Variants in PLAGL1 observed in about 807,000 individuals in gnomAD.
The protein encoded by PLAGL1 is zinc finger protein PLAGL1.
A neutral mutation model predicts 4.6 loss-of-function variants in PLAGL1; 1 was observed. That is an observed-to-expected ratio of 0.22 (90% CI 0.08 to 1.03). The LOEUF (loss-of-function observed/expected upper bound fraction) is 1.03. PLAGL1 is among the 50% of genes least tolerant of loss of function. The pLI, the probability that PLAGL1 is intolerant of heterozygous loss-of-function variation, is 0.58. For synonymous variants in PLAGL1, 240 were observed against 237.8 expected, an observed-to-expected ratio of 1.01 and a Z score of -0.08; for missense variants, 464 against 570.4, an observed-to-expected ratio of 0.81 and a Z score of 1.90.
chr6:144,058,549 A>G (rs1252517492), intron 1 of PLAGL1, among the ~76,000 whole-genome samples: 2 of 152,184 alleles, frequency 1.3e-5, no homozygotes, highest in Non-Finnish European at 2.9e-5. Flanking sequence ...CCAAAGCCCT[A>G]AGTCTCATCT....
rs60021436 is a variant in PLAGL1, at chr6:143,967,997, C to CAAAAAAAAAAAAAAAA, written c.-472+894_-472+909dup. On this transcript the variant is annotated intron_variant, in intron 3 of 7. Transcript: ENST00000674357. ...CATTATGACCATCAAGGACATTTTG[C>CAAAAAAAAAAAAAAAA]AAAAAAAAAAAAAAAAAAAAACAGT... 2.2e-5 allele frequency: 2 copies of CAAAAAAAAAAAAAAAA among 90,020 alleles called. 1 individual carries two copies. Among genetic ancestry groups the CAAAAAAAAAAAAAAAA allele is most frequent in the Non-Finnish European group, 4.0e-5 (2 of 49,956 alleles). 5.6% of individuals were successfully genotyped at this position (90,020 alleles called of 1,614,324 possible). A position where few individuals can be genotyped will look rare whatever the true frequency, so the allele number is the denominator to read the frequency against.
rs1367727662 is a variant in PLAGL1 at position 143,972,321 on chromosome 6, T to C, written c.-543-3343A>G. 6.6e-6 allele frequency among the ~76,000 whole-genome samples: 1 copy of C among 152,134 alleles called. No individual in the cohort carries two copies. The highest frequency in any genetic ancestry group is 1.5e-5 in the Non-Finnish European group (1 of 68,006). The stretch of plus-strand genomic sequence containing the variant: ...CAGGGCCATGTGTTAAGTGCCATAA[T>C]AGAGGTGTACACAAAGGGCTGGGGG... On this transcript the variant is annotated intron_variant, in intron 2 of 7. Transcript: ENST00000674357. The surrounding 1 kb of genome is among the most constrained non-coding windows in gnomAD (Gnocchi z 6.8).
rs1352182872 is a variant in PLAGL1 at position 144,015,693 on chromosome 6, C to T, written c.-150-46715G>A. Among the ~76,000 whole-genome samples, 5 of 152,192 alleles carry T rather than the reference C, an allele frequency of 3.3e-5. No homozygotes were observed. The highest frequency in any genetic ancestry group is 7.3e-5 in the Non-Finnish European group (5 of 68,028). On this transcript the variant is annotated intron_variant, in intron 1 of 3. Transcript: ENST00000437412. The surrounding 1 kb of genome is among the most constrained non-coding windows in gnomAD (Gnocchi z 4.3). The stretch of plus-strand genomic sequence containing the variant: ...CTACAGTGAAATACCGCTACATACC[C>T]ACTGGAAAGGCTAAAGTTGAAAAGA...
chr6:144,029,326 T>A (rs1003544146), intron 1 of PLAGL1, among the ~76,000 whole-genome samples: 1 of 152,232 alleles, frequency 6.6e-6, no homozygotes, highest in African/African-American at 2.4e-5. Context: ...ATTCTCTGTA[T>A]GATAAGACAT....
rs1292951363 is a variant in PLAGL1, at chr6:143,957,798, A to G, written c.-325+2671T>C. The stretch of plus-strand genomic sequence containing the variant: ...TGGGTGGACTGTTTGATCCTAAAAT[A>G]ACATATCACTAAATAAACAGAAAAA... On this transcript the variant is annotated intron_variant, in intron 6 of 7. Coordinates refer to ENST00000674357, the MANE Select transcript of PLAGL1 (RefSeq NM_001317162.2). This position sits in a 1 kb window ranked among gnomAD's most constrained non-coding sequence, Gnocchi z 4.2. Among the ~76,000 whole-genome samples the G allele has an allele frequency of 6.6e-6, 1 of 152,250 alleles. No individual in the cohort carries two copies. The highest frequency in any genetic ancestry group is 2.4e-5 in the African/African-American group (1 of 41,474).
rs1798926830 is a variant in PLAGL1 at position 144,055,839 on chromosome 6, T to C, written c.-151+8629A>G. ...ATGAACGATACACAGCCACTGTCTT[T>C]CTTTGGGTACTACATTCACACACAC... On this transcript the variant is annotated intron_variant, in intron 1 of 3. Coordinates refer to the PLAGL1 transcript ENST00000437412. This position sits in a 1 kb window ranked among gnomAD's most constrained non-coding sequence, Gnocchi z 5.0. Among the ~76,000 whole-genome samples, 1 of 152,210 alleles carries C rather than the reference T, an allele frequency of 6.6e-6. No homozygotes were observed. The highest frequency in any genetic ancestry group is 1.5e-5 in the Non-Finnish European group (1 of 68,030).
At chr6:143,986,523 AGAT>A (rs1789209048) in intron 1 of PLAGL1, among the ~76,000 whole-genome samples, 2 of 152,314 alleles carry the variant, frequency 1.3e-5, no homozygotes, top group South Asian at 4.1e-4. Flanking sequence ...AATTGAGCAG[AGAT>A]GATGATGGGA....
At chr6:144,011,339 C>T (rs1459968054), upstream of PLAGL1, among the ~76,000 whole-genome samples, 1 of 152,158 alleles carries the variant, frequency 6.6e-6, no homozygotes, top group Non-Finnish European at 1.5e-5. The surrounding 1 kb of genome is among the most constrained non-coding windows in gnomAD (Gnocchi z 4.3). Flanking sequence ...GGCCAACAAA[C>T]ATATGAAAAA....
Position 144,027,245 on chromosome 6 carries a change from A to ACG in PLAGL1, c.-151+37222_-151+37223insCG, listed in dbSNP as rs71676358. Among the ~76,000 whole-genome samples, 6,772 of 127,080 alleles carry ACG rather than the reference A, an allele frequency of 0.053. 280 individuals carry two copies. The highest frequency in any genetic ancestry group is 0.072 in the Non-Finnish European group (4,143 of 57,500). 83.4% of individuals were successfully genotyped at this position (127,080 alleles called of 152,430 possible). A position where few individuals can be genotyped will look rare whatever the true frequency, so the allele number is the denominator to read the frequency against. On this transcript the variant is annotated intron_variant, in intron 1 of 3. Coordinates refer to the PLAGL1 transcript ENST00000437412. This position sits in a 1 kb window ranked among gnomAD's most constrained non-coding sequence, Gnocchi z 5.8. Reference sequence around the variant, plus strand: ...ACTCAAAGAACGAACGAAAGAAAGAAAGAAAGAAAGAAAGAAAGAAAGAAA... The same window carrying ACG: ...ACTCAAAGAACGAACGAAAGAAAGAACGAGAAAGAAAGAAAGAAAGAAAGAAA...
rs1356238362 is a variant in PLAGL1 at position 143,972,150 on chromosome 6, C to A, written c.-543-3172G>T. On this transcript the variant is annotated intron_variant, in intron 2 of 7. Transcript: ENST00000674357. This position sits in a 1 kb window ranked among gnomAD's most constrained non-coding sequence, Gnocchi z 6.8. ...TGAAACTGTGATAAGTAATTACTTT[C>A]AAAGGAATGTAGACAGAGCCATCAA... is the stretch of plus-strand genomic sequence containing the variant. Among the ~76,000 whole-genome samples the A allele has an allele frequency of 6.6e-6, 1 of 152,222 alleles. No individual in the cohort carries two copies. Among genetic ancestry groups the A allele is most frequent in the Non-Finnish European group, 1.5e-5 (1 of 68,042 alleles).
Position 143,948,233 on chromosome 6 carries a change from G to A in PLAGL1, c.-97C>T. The A allele has an allele frequency of 1.7e-6, 2 of 1,158,250 alleles. No individual in the cohort carries two copies. Among genetic ancestry groups the A allele is most frequent in the South Asian group, 1.4e-5 (1 of 70,276 alleles). 71.7% of individuals were successfully genotyped at this position (1,158,250 alleles called of 1,614,324 possible). On this transcript the variant is annotated 5_prime_UTR_variant, in exon 7 of 8. Coordinates refer to ENST00000674357, the MANE Select transcript of PLAGL1 (RefSeq NM_001317162.2). This position sits in a 1 kb window ranked among gnomAD's most constrained non-coding sequence, Gnocchi z 6.0. Reference sequence around the variant, plus strand: ...CGATGGTGCTGGGCACATCAGCAGAGTCCCTGCAGCTGAACTCCAGACCAC... The same window carrying A: ...CGATGGTGCTGGGCACATCAGCAGAATCCCTGCAGCTGAACTCCAGACCAC...
At chr6:143,986,790 G>A (rs560307990) in intron 1 of PLAGL1, among the ~76,000 whole-genome samples, 13 of 152,212 alleles carry the variant, frequency 8.5e-5, no homozygotes, top group East Asian at 3.9e-4. Flanking sequence ...CTTAAAAGGC[G>A]CCTGCTCAAT....
At position 144,015,064 on chromosome 6, in the gene PLAGL1, A is replaced by C. The variant is rs1795479375; in HGVS notation, c.-150-46086T>G. ...AAAGCAGGAACTATAAAACTTCTGGAATCACCTTGTTCAATACAGTACCCA... is the reference window on the plus strand; with the variant it reads ...AAAGCAGGAACTATAAAACTTCTGGCATCACCTTGTTCAATACAGTACCCA... On this transcript the variant is annotated intron_variant, in intron 1 of 3. Coordinates refer to the PLAGL1 transcript ENST00000437412. This position sits in a 1 kb window ranked among gnomAD's most constrained non-coding sequence, Gnocchi z 4.3. Among the ~76,000 whole-genome samples, 1 of 152,238 alleles carries C rather than the reference A, an allele frequency of 6.6e-6. No individual in the cohort carries two copies. Among genetic ancestry groups the C allele is most frequent in the Admixed American group, 6.5e-5 (1 of 15,288 alleles).
chr6:144,002,408 C>T lies in PLAGL1; in HGVS notation c.-584+5682G>A, dbSNP rs1458764483. ...GTTAATACTTCTGTTAAATATTGTT[C>T]TAGAGGTCCCAGCCAGTGCAATAAG... On this transcript the variant is annotated intron_variant, in intron 1 of 7. Transcript: ENST00000674357. Among the ~76,000 whole-genome samples the T allele has an allele frequency of 5.9e-5, 9 of 152,086 alleles. No individual in the cohort carries two copies. The South Asian group carries it at 1.7e-3, about 28-fold the overall frequency.
rs1382377904 is a variant in PLAGL1, at chr6:143,949,235, G to T, written c.-324-775C>A. 6.6e-6 allele frequency among the ~76,000 whole-genome samples: 1 copy of T among 152,162 alleles called. No homozygotes were observed. The highest frequency in any genetic ancestry group is 2.4e-5 in the African/African-American group (1 of 41,430). ...CTGGTAGGCCACCTCCAGGAGATGG[G>T]CCTACTGCCTCCTCAAACCCAACTT... On this transcript the variant is annotated intron_variant, in intron 6 of 7. Transcript: ENST00000674357. The surrounding 1 kb of genome is among the most constrained non-coding windows in gnomAD (Gnocchi z 5.3).
chr6:143,977,485 T>G (rs1242176197), intron 2 of PLAGL1, among the ~76,000 whole-genome samples: 9 of 140,344 alleles, frequency 6.4e-5, no homozygotes, highest in Admixed American at 2.1e-4. Flanking sequence ...TTTTTTTTTT[T>G]TTTTTTGAGA....
chr6:144,047,865 C>T (rs1028067284), intron 1 of PLAGL1, among the ~76,000 whole-genome samples: 3 of 152,098 alleles, frequency 2.0e-5, no homozygotes, highest in Non-Finnish European at 4.4e-5. Flanking sequence ...CTCATTTCAG[C>T]ATTAACTCAA....
rs1384926273 is a variant in PLAGL1 at position 143,949,123 on chromosome 6, A to G, written c.-324-663T>C. Among the ~76,000 whole-genome samples, 1 of 152,204 alleles carries G rather than the reference A, an allele frequency of 6.6e-6. No individual in the cohort carries two copies. The highest frequency in any genetic ancestry group is 1.5e-5 in the Non-Finnish European group (1 of 68,040). On this transcript the variant is annotated intron_variant, in intron 6 of 7. Coordinates refer to ENST00000674357, the MANE Select transcript of PLAGL1 (RefSeq NM_001317162.2). This position sits in a 1 kb window ranked among gnomAD's most constrained non-coding sequence, Gnocchi z 5.3. ...TTCAGATTTGTAGGCACCATCCTCTAGTAAGTTCTACTAATCTCTTCCTTT... is the reference window on the plus strand; with the variant it reads ...TTCAGATTTGTAGGCACCATCCTCTGGTAAGTTCTACTAATCTCTTCCTTT...
chr6:144,051,769 A>G (rs1798600941), intron 1 of PLAGL1, among the ~76,000 whole-genome samples: 1 of 152,212 alleles, frequency 6.6e-6, no homozygotes, highest in Non-Finnish European at 1.5e-5. Flanking sequence ...GAGCTTGTGC[A>G]GGGGAACTCT....
Sources: gnomAD v4.1 joint callset for allele counts (sites outside exome capture counted in the v4.1 genomes callset) on GRCh38, gnomAD v4.1.1 for gene constraint, Gnocchi (gnomAD v3.1) non-coding constraint, MANE v1.5 for transcripts, NCBI Gene and HGNC (gene_info 2026-07-23, HGNC 2026-07-21) for gene names.